GRM3: variants seen among roughly 807,000 people sequenced by gnomAD.
GRM3 encodes the protein glutamate metabotropic receptor 3.
In GRM3, 26 loss-of-function variants were observed where a neutral mutation model predicts 70.5. That is an observed-to-expected ratio of 0.37 (90% CI 0.27 to 0.51). The LOEUF (loss-of-function observed/expected upper bound fraction) is 0.51. GRM3 is among the 20% of genes least tolerant of loss of function. The pLI is 0.93. For synonymous variants in GRM3, 443 were observed against 434.9 expected, an observed-to-expected ratio of 1.02 and a Z score of -0.23; for missense variants, 859 against 1,123.8, an observed-to-expected ratio of 0.76 and a Z score of 3.37.
chr7:86,692,609 T>C (rs1251502040), intron 1 of GRM3, among the ~76,000 whole-genome samples: 6 of 152,222 alleles, frequency 3.9e-5, no homozygotes, highest in Non-Finnish European at 8.8e-5. Context: ...TATGACCCAA[T>C]AGTATTTCTT....
rs759963146 is a variant in GRM3 at position 86,838,809 on chromosome 7, CT to C, written c.1325-22del. The C allele has an allele frequency of 2.7e-5, 35 of 1,315,608 alleles. No individual in the cohort carries two copies. The East Asian group carries it at 4.0e-4, about 15-fold the overall frequency. The allele number at this position is 1,315,608 out of a possible 1,614,324, so 81.5% of individuals were successfully genotyped here. On this transcript the variant is annotated intron_variant, in intron 3 of 5. Transcript: ENST00000361669. ...CACGTAAGACACCTAAACAAGTGTT[CT>C]TTTTTTTCTTTCACTTTACATATCA...
At chr7:86,675,982 C>T (rs948588892) in intron 1 of GRM3, among the ~76,000 whole-genome samples, 2 of 151,418 alleles carry the variant, frequency 1.3e-5, no homozygotes, top group African/African-American at 4.8e-5. Context: ...GGAAAGAAAC[C>T]CAAGCAAGAA....
intron 3 of GRM3, chr7:86,832,885 ACTCCTT>A (rs1400294232): frequency 4.1e-6 from 1 of 245,180 alleles, no homozygotes; most frequent in Admixed American, 6.5e-5. Context: ...GCCACATCCG[ACTCCTT>A]CTGAAAGTGA....
chr7:86,693,663 C>T (rs1297920869), intron 1 of GRM3, among the ~76,000 whole-genome samples: 1 of 152,146 alleles, frequency 6.6e-6, no homozygotes, highest in Admixed American at 6.5e-5. Flanking sequence ...ACCATAATCT[C>T]ATGGTGTGAG....
intron 1 of GRM3, among the ~76,000 whole-genome samples, chr7:86,682,886 G>T (rs916553125): frequency 6.6e-6 from 1 of 152,094 alleles, no homozygotes; most frequent in African/African-American, 2.4e-5. Context: ...ACAGGACATT[G>T]GTTTGAAACA....
At chr7:86,679,740 T>C (rs966548722) in intron 1 of GRM3, among the ~76,000 whole-genome samples, 1 of 151,996 alleles carries the variant, frequency 6.6e-6, no homozygotes, top group African/African-American at 2.4e-5. Flanking sequence ...CTATGGGTCC[T>C]TTTTCCCCAC....
At chr7:86,729,765 A>T (rs1364604143) in intron 1 of GRM3, among the ~76,000 whole-genome samples, 1 of 152,222 alleles carries the variant, frequency 6.6e-6, no homozygotes, top group African/African-American at 2.4e-5. Flanking sequence ...ATCATAAAGG[A>T]TTAATTACAT....
At chr7:86,733,021 A>G (rs75653558) in intron 1 of GRM3, among the ~76,000 whole-genome samples, 2 of 152,120 alleles carry the variant, frequency 1.3e-5, no homozygotes. Flanking sequence ...GGGAGATAAG[A>G]AAGGCTGAGA....
chr7:86,683,588 G>A (rs1394879184), intron 1 of GRM3, among the ~76,000 whole-genome samples: 1 of 152,150 alleles, frequency 6.6e-6, no homozygotes, highest in East Asian at 1.9e-4. Context: ...AGTATCCAGA[G>A]AGATTGAAAG....
intron 3 of GRM3, 152 bp downstream of exon 3, chr7:86,787,268 G>A: frequency 3.0e-6 from 2 of 672,370 alleles, no homozygotes; most frequent in Non-Finnish European, 5.0e-6. Flanking sequence ...GCAATAGGAT[G>A]GTTCTCTAAC....
chr7:86,728,887 G>A (rs1795655348), intron 1 of GRM3, among the ~76,000 whole-genome samples: 1 of 152,130 alleles, frequency 6.6e-6, no homozygotes, highest in South Asian at 2.1e-4. Flanking sequence ...GATACACAGG[G>A]TCCAGAGAAA....
intron 1 of GRM3, among the ~76,000 whole-genome samples, chr7:86,751,788 C>T (rs1796238570): frequency 6.6e-6 from 1 of 152,112 alleles, no homozygotes; most frequent in South Asian, 2.1e-4. Flanking sequence ...TCTGCACGCC[C>T]ATCACTCACT....
At chr7:86,705,627 G>A (rs980601644) in intron 1 of GRM3, among the ~76,000 whole-genome samples, 2 of 151,984 alleles carry the variant, frequency 1.3e-5, no homozygotes, top group East Asian at 1.9e-4. Context: ...ATTAAAAAGA[G>A]CACAAGAGTC....
chr7:86,651,919 G>C (rs1173426749), intron 1 of GRM3, among the ~76,000 whole-genome samples: 3 of 152,092 alleles, frequency 2.0e-5, no homozygotes, highest in Admixed American at 2.0e-4. Context: ...TTTCATCCAA[G>C]AAGTACTAAA....
chr7:86,760,884 AT>A (rs1183032958), intron 1 of GRM3, among the ~76,000 whole-genome samples: 2 of 152,094 alleles, frequency 1.3e-5, no homozygotes, highest in African/African-American at 4.8e-5. Context: ...TTTACATGAC[AT>A]TGTCATCCCC....
intron 2 of GRM3, among the ~76,000 whole-genome samples, chr7:86,785,228 T>G (rs1797194426): frequency 6.6e-6 from 1 of 152,214 alleles, no homozygotes; most frequent in Non-Finnish European, 1.5e-5. Flanking sequence ...GAGAAAGAAC[T>G]CTCCTACGTG....
chr7:86,737,469 A>G (rs752511383), intron 1 of GRM3, among the ~76,000 whole-genome samples: 4 of 152,208 alleles, frequency 2.6e-5, no homozygotes, highest in Non-Finnish European at 4.4e-5. Flanking sequence ...TGCATTTGTA[A>G]AACATGAATA....
intron 3 of GRM3, among the ~76,000 whole-genome samples, chr7:86,794,686 G>T (rs1797506876): frequency 6.6e-6 from 1 of 152,116 alleles, no homozygotes; most frequent in Non-Finnish European, 1.5e-5. Flanking sequence ...GGCAAGGTTA[G>T]CTAGTCAGTC....
At chr7:86,840,195 C>T (rs1344303115) in intron 4 of GRM3, among the ~76,000 whole-genome samples, 1 of 152,040 alleles carries the variant, frequency 6.6e-6, no homozygotes, top group African/African-American at 2.4e-5. Flanking sequence ...TACACGTACA[C>T]ATAATGTTAA....
Sources: gnomAD v4.1 joint callset for allele counts (sites outside exome capture counted in the v4.1 genomes callset) on GRCh38, gnomAD v4.1.1 for gene constraint, MANE v1.5 for transcripts, NCBI Gene and HGNC (gene_info 2026-07-23, HGNC 2026-07-21) for gene names.